ARGLU1: variants seen among roughly 807,000 people sequenced by gnomAD.
The protein encoded by ARGLU1 is arginine and glutamate rich 1.
Under a neutral mutation model 37.6 loss-of-function variants are expected in ARGLU1, and 9 were observed. The observed-to-expected ratio is 0.24, with a 90% CI of 0.14 to 0.42. ARGLU1 has a LOEUF of 0.42. ARGLU1 is among the 10% of genes least tolerant of loss of function. The pLI is 1.00. For missense variants in ARGLU1, 211 were observed against 359.2 expected (o/e 0.59, Z 3.34); for synonymous variants, 166 against 138.5 (o/e 1.20, Z -1.39).
At chr13:106,552,761 T>C (rs929473817) in intron 3 of ARGLU1, among the ~76,000 whole-genome samples, 2 of 152,224 alleles carry the variant, frequency 1.3e-5, no homozygotes, top group African/African-American at 4.8e-5. Context: ...AAGATAGTTA[T>C]GTGTCGCCAA....
At position 106,554,237 on chromosome 13, in the gene ARGLU1, T is replaced by C. The variant is rs566642287; in HGVS notation, c.657+2811A>G. 4.6e-5 allele frequency among the ~76,000 whole-genome samples: 7 copies of C among 152,370 alleles called. No homozygotes were observed. In the East Asian group the frequency reaches 1.3e-3, roughly 29 times the overall value. ...TTATTTTAAAGCACTTAATGGCTTG[T>C]CTACTTTTCCATCCAGTTGTTTTTC... On this transcript the variant is annotated intron_variant, in intron 3 of 3. Transcript: ENST00000400198.
At position 106,557,408 on chromosome 13, in the gene ARGLU1, C is replaced by A; in HGVS notation, c.574-277G>T. The stretch of plus-strand genomic sequence containing the variant: ...AATACTTTAATATCACACAAATCAA[C>A]AAGGACAACTACAAAACTGGATAGT... On this transcript the variant is annotated intron_variant, in intron 2 of 3. Coordinates refer to ENST00000400198, the MANE Select transcript of ARGLU1 (RefSeq NM_018011.4). The surrounding 1 kb of genome is among the most constrained non-coding windows in gnomAD (Gnocchi z 5.0). The A allele has an allele frequency of 1.6e-6, 1 of 612,646 alleles. No homozygotes were observed. Among genetic ancestry groups the A allele is most frequent in the Non-Finnish European group, 2.5e-6 (1 of 407,030 alleles). 38.0% of individuals were successfully genotyped at this position (612,646 alleles called of 1,614,324 possible).
At chr13:106,556,393 T>C (rs1880662227) in intron 3 of ARGLU1, among the ~76,000 whole-genome samples, 1 of 152,232 alleles carries the variant, frequency 6.6e-6, no homozygotes. Context: ...ATTAACTTTT[T>C]ACATTCTTAT....
At chr13:106,548,994 G>A (rs571548439) in intron 3 of ARGLU1, among the ~76,000 whole-genome samples, 57 of 152,174 alleles carry the variant, frequency 3.7e-4, no homozygotes, top group African/African-American at 1.3e-3. Context: ...CTTGTGATCC[G>A]CCTGCCCTGG....
Position 106,566,929 on chromosome 13 carries a change from GT to G in ARGLU1, c.347+643del, listed in dbSNP as rs1880980714. Among the ~76,000 whole-genome samples, 4 of 152,048 alleles carry G rather than the reference GT, an allele frequency of 2.6e-5. 1 individual carries two copies. The highest frequency in any genetic ancestry group is 3.4e-3 in the Middle Eastern group (1 of 294). ...AAACTCATCGCACTGTACACTTAAGGTCTATGCTTTTTTTTTTTAACATCTC... is the reference window on the plus strand; with the variant it reads ...AAACTCATCGCACTGTACACTTAAGGCTATGCTTTTTTTTTTTAACATCTC... On this transcript the variant is annotated intron_variant, in intron 1 of 3. Transcript: ENST00000400198.
chr13:106,557,327 T>G lies in ARGLU1; in HGVS notation c.574-196A>C. The G allele has an allele frequency of 1.5e-6, 1 of 647,792 alleles. No individual in the cohort carries two copies. Among genetic ancestry groups the G allele is most frequent in the Non-Finnish European group, 2.5e-6 (1 of 399,200 alleles). The allele number at this position is 647,792 out of a possible 1,614,324, so 40.1% of individuals were successfully genotyped here. A position where few individuals can be genotyped will look rare whatever the true frequency, so the allele number is the denominator to read the frequency against. ...ACTAAATTTAAATCATCCCTCCCAG[T>G]CCAAACAGCAACCAACTAAACCCTC... On this transcript the variant is annotated intron_variant, in intron 2 of 3. Coordinates refer to ENST00000400198, the MANE Select transcript of ARGLU1 (RefSeq NM_018011.4). The surrounding 1 kb of genome is among the most constrained non-coding windows in gnomAD (Gnocchi z 5.0).
chr13:106,546,975 T>A (rs1237127319), intron 3 of ARGLU1, among the ~76,000 whole-genome samples: 1 of 152,174 alleles, frequency 6.6e-6, no homozygotes, highest in Admixed American at 6.5e-5. Context: ...GATTAGGCCA[T>A]GAGGGGTTCA....
At chr13:106,545,361 C>G (rs1381749365) in intron 3 of ARGLU1, among the ~76,000 whole-genome samples, 1 of 152,176 alleles carries the variant, frequency 6.6e-6, no homozygotes, top group Non-Finnish European at 1.5e-5. Flanking sequence ...TATTCCCATT[C>G]AAAGTCAAAT....
At chr13:106,550,135 G>A (rs1472482305) in intron 3 of ARGLU1, among the ~76,000 whole-genome samples, 1 of 152,132 alleles carries the variant, frequency 6.6e-6, no homozygotes, top group Non-Finnish European at 1.5e-5. Context: ...TACATCAGGA[G>A]TGTCTTTTCT....
At chr13:106,545,284 T>C (rs887906688) in intron 3 of ARGLU1, among the ~76,000 whole-genome samples, 3 of 152,202 alleles carry the variant, frequency 2.0e-5, no homozygotes, top group Non-Finnish European at 4.4e-5. Flanking sequence ...TTATCATGAT[T>C]TATCCTTTTT....
chr13:106,559,751 C>A lies in ARGLU1; in HGVS notation c.348-94G>T. On this transcript the variant is annotated intron_variant, in intron 1 of 3. Transcript: ENST00000400198. ...TTTTAAGTCTATCAAGCCATTGAGCCTGATATTATTCAGTGATTTTTTCAG... is the reference window on the plus strand; with the variant it reads ...TTTTAAGTCTATCAAGCCATTGAGCATGATATTATTCAGTGATTTTTTCAG... 2.4e-5 allele frequency: 31 copies of A among 1,310,634 alleles called. No individual in the cohort carries two copies. In the South Asian group the frequency reaches 4.6e-4, roughly 19 times the overall value. 81.2% of individuals were successfully genotyped at this position (1,310,634 alleles called of 1,614,324 possible). A position where few individuals can be genotyped will look rare whatever the true frequency, so the allele number is the denominator to read the frequency against.
In ARGLU1 at chr13:106,541,960, A is replaced by G. The variant is rs777618809; in HGVS notation, c.*2036T>C. The G allele has an allele frequency of 1.3e-5, 2 of 152,172 alleles. No homozygotes were observed. The highest frequency in any genetic ancestry group is 2.9e-5 in the Non-Finnish European group (2 of 68,030). The allele number at this position is 152,172 out of a possible 1,614,324, so 9.4% of individuals were successfully genotyped here. A position where few individuals can be genotyped will look rare whatever the true frequency, so the allele number is the denominator to read the frequency against. On this transcript the variant is annotated 3_prime_UTR_variant, in exon 4 of 4. Transcript: ENST00000400198. ...CAGCACATTAAAGACTGGATGGTGTATATTATTCACAATTACATCCTCTTT... is the reference window on the plus strand; with the variant it reads ...CAGCACATTAAAGACTGGATGGTGTGTATTATTCACAATTACATCCTCTTT...
chr13:106,544,294 G>T, intron 3 of ARGLU1, 134 bp from the exon 4 acceptor site: 1 of 651,414 alleles, frequency 1.5e-6, no homozygotes, highest in Non-Finnish European at 2.3e-6. Context: ...GTAAAAACAA[G>T]GACTTCCTAT....
chr13:106,546,378 ACTC>A (rs1242917998), intron 3 of ARGLU1, among the ~76,000 whole-genome samples: 1 of 151,620 alleles, frequency 6.6e-6, no homozygotes, highest in Non-Finnish European at 1.5e-5. Flanking sequence ...CTTTGTTTCT[ACTC>A]CTCTTCTAAA....
intron 3 of ARGLU1, among the ~76,000 whole-genome samples, chr13:106,553,451 A>T (rs1338250490): frequency 3.3e-5 from 5 of 152,204 alleles, no homozygotes; most frequent in African/African-American, 1.2e-4. Flanking sequence ...ATTCTATCTC[A>T]TGAGATAAAT....
chr13:106,553,618 G>A (rs1208892090), intron 3 of ARGLU1, among the ~76,000 whole-genome samples: 1 of 152,094 alleles, frequency 6.6e-6, no homozygotes, highest in Non-Finnish European at 1.5e-5. Context: ...AATGGCTTTA[G>A]GGGATTTCTA....
chr13:106,557,002 A>T lies in ARGLU1; in HGVS notation c.657+46T>A, dbSNP rs766932645. 1 of 1,535,498 alleles carries T rather than the reference A, an allele frequency of 6.5e-7. No homozygotes were observed. The highest frequency in any genetic ancestry group is 1.1e-5 in the South Asian group (1 of 88,524). The stretch of plus-strand genomic sequence containing the variant: ...CAATCCACAAAATCCGAAAAAAGGA[A>T]ATAAAGCAAAATACAAAACACTTTT... On this transcript the variant is annotated intron_variant, in intron 3 of 3. Coordinates refer to ENST00000400198, the MANE Select transcript of ARGLU1 (RefSeq NM_018011.4). This position sits in a 1 kb window ranked among gnomAD's most constrained non-coding sequence, Gnocchi z 5.0.
At chr13:106,552,082 A>G (rs993898492) in intron 3 of ARGLU1, among the ~76,000 whole-genome samples, 1 of 152,202 alleles carries the variant, frequency 6.6e-6, no homozygotes, top group Non-Finnish European at 1.5e-5. Context: ...AACTCATTTA[A>G]AAGAAAGCCA....
At chr13:106,558,131 A>T in intron 2 of ARGLU1, 3 of 984,528 alleles carry the variant, frequency 3.0e-6, no homozygotes, top group Non-Finnish European at 3.6e-6. Context: ...TAAAAAAAAA[A>T]TTGTTAATAT....
Sources: gnomAD v4.1 joint callset for allele counts (sites outside exome capture counted in the v4.1 genomes callset) on GRCh38, gnomAD v4.1.1 for gene constraint, Gnocchi (gnomAD v3.1) non-coding constraint, MANE v1.5 for transcripts, NCBI Gene and HGNC (gene_info 2026-07-23, HGNC 2026-07-21) for gene names.